Variants in PCDHA10 observed in about 807,000 individuals in gnomAD.
PCDHA10 encodes the protein protocadherin alpha 10, also known as protocadherin alpha-10.
A neutral mutation model predicts 61.2 loss-of-function variants in PCDHA10; 45 were observed. That is an observed-to-expected ratio of 0.74 (90% CI 0.58 to 0.94). PCDHA10 has a LOEUF of 0.94. Ranked by LOEUF, PCDHA10 falls within the 40% of genes least tolerant of loss-of-function variation. The probability of loss-of-function intolerance (pLI) is 0.00; values close to 1 mark genes in which losing one functional copy is unlikely to be tolerated. For missense variants in PCDHA10, 1,278 were observed against 1,236.2 expected, an observed-to-expected ratio of 1.03 and a Z score of -0.51; for synonymous variants, 602 against 548.8, an observed-to-expected ratio of 1.10 and a Z score of -1.35.
At chr5:140,882,000 G>A in intron 1 of PCDHA10, 1 of 477,842 alleles carries the variant, frequency 2.1e-6, no homozygotes, top group Non-Finnish European at 3.5e-6. Flanking sequence ...GGAAATGCAA[G>A]GGGCAAAAAA....
intron 1 of PCDHA10, chr5:140,966,857 C>A: frequency 6.3e-7 from 1 of 1,575,742 alleles, no homozygotes; most frequent in Non-Finnish European, 8.6e-7. Flanking sequence ...TCTCCTGCTG[C>A]TGTTGCTGCT....
intron 1 of PCDHA10, chr5:140,882,412 C>A: frequency 6.2e-7 from 1 of 1,614,138 alleles, no homozygotes; most frequent in Non-Finnish European, 8.5e-7. Context: ...TGGGCCGCAT[C>A]GCTCAGGACC....
chr5:140,975,207 G>A (rs2096658071), intron 1 of PCDHA10, among the ~76,000 whole-genome samples: 1 of 152,180 alleles, frequency 6.6e-6, no homozygotes. Flanking sequence ...CTTCATGGCT[G>A]GCACTGGAGA....
At chr5:140,891,624 T>C (rs1489586112) in intron 1 of PCDHA10, among the ~76,000 whole-genome samples, 1 of 152,188 alleles carries the variant, frequency 6.6e-6, no homozygotes, top group African/African-American at 2.4e-5. Context: ...TTTTAACACC[T>C]TTTGCTCTTT....
At chr5:141,001,279 G>A (rs1317213469) in intron 3 of PCDHA10, among the ~76,000 whole-genome samples, 1 of 151,942 alleles carries the variant, frequency 6.6e-6, no homozygotes, top group African/African-American at 2.4e-5. Context: ...CTTTTTTTAC[G>A]GATGAAAACT....
chr5:140,887,309 G>T (rs2061400609), intron 1 of PCDHA10, among the ~76,000 whole-genome samples: 1 of 152,182 alleles, frequency 6.6e-6, no homozygotes, highest in South Asian at 2.1e-4. Flanking sequence ...TGTTAGCCAG[G>T]ATAGTCTCGA....
intron 1 of PCDHA10, chr5:140,876,023 C>CA: frequency 1.9e-6 from 3 of 1,612,330 alleles, no homozygotes; most frequent in Non-Finnish European, 2.5e-6. Context: ...AAAATAAAAA[C>CA]AAAAAAAGAT....
intron 1 of PCDHA10, chr5:140,928,846 C>A: frequency 1.2e-6 from 2 of 1,614,192 alleles, no homozygotes; most frequent in Non-Finnish European, 1.7e-6. Context: ...CTCTGTCACT[C>A]TGGGTGTGCT....
Position 140,869,241 on chromosome 5 carries a change from C to T in PCDHA10, c.2388+10805C>T, listed in dbSNP as rs782686549. 1.9e-6 allele frequency: 3 copies of T among 1,613,628 alleles called. No homozygotes were observed. In the South Asian group the frequency reaches 3.3e-5, roughly 18 times the overall value. ...AGGCCAAACACGGCACCTTCGTGGGCCGCATCGCGCAGGACCTGGGGCTGG... is the reference window on the plus strand; with the variant it reads ...AGGCCAAACACGGCACCTTCGTGGGTCGCATCGCGCAGGACCTGGGGCTGG... On this transcript the variant is annotated intron_variant, in intron 1 of 3. Transcript: ENST00000307360.
At chr5:140,891,100 G>T (rs544877951) in intron 1 of PCDHA10, among the ~76,000 whole-genome samples, 1 of 152,206 alleles carries the variant, frequency 6.6e-6, no homozygotes, top group East Asian at 1.9e-4. Context: ...TTGCTGTCAA[G>T]AATTTAGCTG....
chr5:140,983,005 AAAGG>A (rs1223217874), intron 3 of PCDHA10, among the ~76,000 whole-genome samples: 2 of 152,110 alleles, frequency 1.3e-5, no homozygotes, highest in African/African-American at 2.4e-5. Flanking sequence ...AAAGAAAGAA[AAAGG>A]AAGGAAGGAA....
In PCDHA10 at chr5:140,911,791, C is replaced by G. The variant is rs567528220; in HGVS notation, c.2388+53355C>G. 3.9e-5 allele frequency among the ~76,000 whole-genome samples: 6 copies of G among 152,230 alleles called. No homozygotes were observed. The East Asian group carries it at 9.6e-4, about 24-fold the overall frequency. ...AGTACAGTCCTTAGCATTTTTGGGT[C>G]TAATCATATTAAGCAGCCTTCTCCA... On this transcript the variant is annotated intron_variant, in intron 1 of 3. Transcript: ENST00000307360.
intron 2 of PCDHA10, among the ~76,000 whole-genome samples, chr5:140,980,712 T>G (rs4404731): frequency 0.013 from 1,940 of 152,272 alleles, 50 homozygotes; most frequent in African/African-American, 0.045. Context: ...GTGCTCCTAT[T>G]CGGGTTTCAA....
intron 1 of PCDHA10, chr5:140,863,507 T>A: frequency 2.4e-6 from 1 of 420,150 alleles, no homozygotes. Flanking sequence ...CTTTTAGTCC[T>A]AGTGTTCTCC....
At chr5:140,993,321 G>A (rs1021026330) in intron 3 of PCDHA10, among the ~76,000 whole-genome samples, 58 of 152,134 alleles carry the variant, frequency 3.8e-4, no homozygotes, top group African/African-American at 5.3e-4. Context: ...TACCTTCTAA[G>A]TGTTTGTGAT....
At chr5:140,904,471 C>G (rs2071156688) in intron 1 of PCDHA10, among the ~76,000 whole-genome samples, 1 of 151,730 alleles carries the variant, frequency 6.6e-6, no homozygotes, top group Non-Finnish European at 1.5e-5. Context: ...TGATTGGTGG[C>G]TATTTGGTCT....
intron 1 of PCDHA10, among the ~76,000 whole-genome samples, chr5:140,957,371 T>G (rs1465346844): frequency 3.3e-5 from 5 of 152,206 alleles, no homozygotes; most frequent in Non-Finnish European, 7.4e-5. Context: ...AAACTTTTAT[T>G]ATAGTGTATT....
chr5:140,883,449 C>G lies in PCDHA10; in HGVS notation c.2388+25013C>G, dbSNP rs782030208. The G allele has an allele frequency of 6.8e-6, 11 of 1,614,058 alleles. No homozygotes were observed. The Admixed American group carries it at 1.8e-4, about 27-fold the overall frequency. On this transcript the variant is annotated intron_variant, in intron 1 of 3. Coordinates refer to ENST00000307360, the MANE Select transcript of PCDHA10 (RefSeq NM_018901.4). Reference sequence around the variant, plus strand: ...ACCTGCACCTTGACGCCGCATGTCCCCTTCAAGCTGGTGTCCACCTACAAG... The same window carrying G: ...ACCTGCACCTTGACGCCGCATGTCCGCTTCAAGCTGGTGTCCACCTACAAG...
intron 1 of PCDHA10, among the ~76,000 whole-genome samples, chr5:140,915,100 CACA>C (rs2076984171): frequency 6.6e-6 from 1 of 151,988 alleles, no homozygotes; most frequent in African/African-American, 2.4e-5. Context: ...CACGCACCAC[CACA>C]ACACCCACCT....
Sources: gnomAD v4.1 joint callset for allele counts (sites outside exome capture counted in the v4.1 genomes callset) on GRCh38, gnomAD v4.1.1 for gene constraint, MANE v1.5 for transcripts, NCBI Gene and HGNC (gene_info 2026-07-23, HGNC 2026-07-21) for gene names.